The following SCN9A variants were observed in gnomAD, a reference collection of about 807,000 sequenced individuals.
The protein encoded by SCN9A is sodium channel protein type 9 subunit alpha.
SCN9A carries 131 observed loss-of-function variants against 187.0 expected under a neutral mutation model. That is an observed-to-expected ratio of 0.70 (90% CI 0.61 to 0.81). The LOEUF is 0.81. SCN9A is among the 30% of genes least tolerant of loss of function. The pLI, the probability that SCN9A is intolerant of heterozygous loss-of-function variation, is 0.00. For synonymous variants in SCN9A, 809 were observed against 808.6 expected, an observed-to-expected ratio of 1.00 and a Z score of -0.01; for missense variants, 2,252 against 2,396.6, an observed-to-expected ratio of 0.94 and a Z score of 1.26.
At chr2:166,339,005 T>C (rs1433446678) in intron 1 of SCN9A, among the ~76,000 whole-genome samples, 1 of 152,188 alleles carries the variant, frequency 6.6e-6, no homozygotes, top group African/African-American at 2.4e-5. Flanking sequence ...ATACATGGCT[T>C]AGAGTATGTA....
chr2:166,249,530 G>A (rs186179519), intron 18 of SCN9A: 1 of 152,242 alleles, frequency 6.6e-6, no homozygotes, highest in East Asian at 1.9e-4. Flanking sequence ...ACATAAAAGG[G>A]ATGTGACTCA....
At chr2:166,300,135 C>G (rs1013631908) in intron 7 of SCN9A, among the ~76,000 whole-genome samples, 20 of 151,026 alleles carry the variant, frequency 1.3e-4, no homozygotes, top group Middle Eastern at 3.4e-3. Flanking sequence ...ACAAGACAGA[C>G]AGCAATAAAA....
At chr2:166,218,578 T>C (rs568878289) in intron 24 of SCN9A, among the ~76,000 whole-genome samples, 2 of 152,150 alleles carry the variant, frequency 1.3e-5, no homozygotes, top group South Asian at 4.2e-4. Flanking sequence ...TTAAGATGGA[T>C]TAAAGACTTA....
chr2:166,288,475 T>C lies in SCN9A; in HGVS notation c.1276A>G (p.Met426Val), dbSNP rs1443928953. 3 of 1,612,758 alleles carry C rather than the reference T, an allele frequency of 1.9e-6. No individual in the cohort carries two copies. Among genetic ancestry groups the C allele is most frequent in the African/African-American group, 1.3e-5 (1 of 74,990 alleles). The change falls in exon 10 of 27, where the codon ATG becomes GTG. Residue 426 changes from methionine to valine, a missense_variant. Around this residue, in one of 7 missense-constraint regions of SCN9A, gnomAD observed 1,013 missense variants for 997.4 expected, o/e 1.02. Transcript: ENST00000642356. The stretch of plus-strand genomic sequence containing the variant: ...TGCTCTTTTTTAAGACGGTCTAACA[T>C]CTGTTGAAATTCTAATTCTTTCTGT... ...AKQKELEFQQ[M>V]LDRLKKEQEE...
At chr2:166,200,188 G>A (rs533932771) in intron 26 of SCN9A, among the ~76,000 whole-genome samples, 8 of 149,226 alleles carry the variant, frequency 5.4e-5, no homozygotes, top group Non-Finnish European at 8.9e-5. Flanking sequence ...TAGTAGAGAC[G>A]GGGTTTCACC....
chr2:166,240,483 T>G (rs892838675), intron 19 of SCN9A, among the ~76,000 whole-genome samples: 4 of 152,228 alleles, frequency 2.6e-5, no homozygotes, highest in African/African-American at 9.6e-5. Context: ...TGTCTTCCTC[T>G]GTTTTAGACA....
Position 166,284,712 on chromosome 2 carries a change from T to C in SCN9A, c.1715A>G (p.Asp572Gly), listed in dbSNP as rs775468416. 1.2e-6 allele frequency: 2 copies of C among 1,614,004 alleles called. No individual in the cohort carries two copies. The highest frequency in any genetic ancestry group is 2.2e-5 in the South Asian group (2 of 91,090). ...GTCTCCAAAAATGCTGTGCTCATCA[T>C]CGGCAAATTCAGTCTCAGATCCTAT... ...RDIGSETEFA[D>G]DEHSIFGDNE... The change falls in exon 12 of 27, where the codon GAT becomes GGT. Residue 572 changes from aspartate to glycine, a missense_variant. Physicochemically the swap from Asp to Gly is moderately conservative, Grantham distance 94 (BLOSUM62 -1). This residue lies in a region of SCN9A where 1,013 missense variants were observed against 997.4 expected (regional missense o/e 1.02). Transcript: ENST00000642356.
intron 1 of SCN9A, among the ~76,000 whole-genome samples, chr2:166,330,087 G>A (rs1699464960): frequency 6.6e-6 from 1 of 151,984 alleles, no homozygotes; most frequent in Non-Finnish European, 1.5e-5. Flanking sequence ...AAATTTTAAA[G>A]GATGCACAAA....
At chr2:166,322,208 T>C (rs1699262961) in intron 1 of SCN9A, among the ~76,000 whole-genome samples, 1 of 152,240 alleles carries the variant, frequency 6.6e-6, no homozygotes, top group African/African-American at 2.4e-5. Context: ...CTATAGTTTC[T>C]TCTTAATTTG....
intron 26 of SCN9A, among the ~76,000 whole-genome samples, chr2:166,203,056 A>G (rs1693620879): frequency 6.6e-6 from 1 of 151,340 alleles, no homozygotes; most frequent in Non-Finnish European, 1.5e-5. Flanking sequence ...CATTTTTGTT[A>G]GTGTGAAATT....
In SCN9A at chr2:166,349,557, G is replaced by A. The variant is rs113173376; in HGVS notation, c.-51+26140C>T. On this transcript the variant is annotated intron_variant, in intron 1 of 26. Transcript: ENST00000642356. The stretch of plus-strand genomic sequence containing the variant: ...ATTTCAATGGTCAGAGAAAATGAAA[G>A]TACTGTTAATTCTGAAAATTAGAAT... Among the ~76,000 whole-genome samples the A allele has an allele frequency of 4.4e-3, 663 of 152,256 alleles. 3 individuals carry two copies. The highest frequency in any genetic ancestry group is 0.015 in the African/African-American group (624 of 41,556).
intron 24 of SCN9A, among the ~76,000 whole-genome samples, chr2:166,222,972 A>AAAAAAAAAAAAAAC (rs1694683935): frequency 7.5e-6 from 1 of 133,344 alleles, no homozygotes; most frequent in African/African-American, 2.8e-5. Flanking sequence ...AAAAAAAAAA[A>AAAAAAAAAAAAAAC]CAGCAACAAA....
At chr2:166,237,289 C>T (rs900881422) in intron 20 of SCN9A, among the ~76,000 whole-genome samples, 3 of 151,712 alleles carry the variant, frequency 2.0e-5, no homozygotes, top group African/African-American at 4.8e-5. Context: ...ATCTCACCGA[C>T]TATTTTAAGA....
intron 1 of SCN9A, among the ~76,000 whole-genome samples, chr2:166,323,119 T>C (rs1176106095): frequency 6.6e-6 from 1 of 152,178 alleles, no homozygotes; most frequent in East Asian, 1.9e-4. Flanking sequence ...AGAACTATCA[T>C]TAAGACTTTT....
chr2:166,360,493 C>A lies in SCN9A; in HGVS notation c.-51+15204G>T, dbSNP rs1410300660. ...TATGGCTGCAGAACAGGTTCTATAC[C>A]CTTATTTAAATAATTAGAGAGAAAA... On this transcript the variant is annotated intron_variant, in intron 1 of 26. Coordinates refer to ENST00000642356, the MANE Select transcript of SCN9A (RefSeq NM_001365536.1). 4.6e-5 allele frequency among the ~76,000 whole-genome samples: 7 copies of A among 151,920 alleles called. No homozygotes were observed. The East Asian group carries it at 1.4e-3, about 29-fold the overall frequency.
At chr2:166,266,676 A>T (rs906321119) in intron 17 of SCN9A, among the ~76,000 whole-genome samples, 15 of 151,430 alleles carry the variant, frequency 9.9e-5, no homozygotes, top group Non-Finnish European at 2.1e-4. Context: ...TAAAAATAAT[A>T]ATTATTCTAA....
chr2:166,266,026 A>T (rs1413664053), intron 17 of SCN9A, among the ~76,000 whole-genome samples: 2 of 151,690 alleles, frequency 1.3e-5, no homozygotes, highest in Admixed American at 1.3e-4. Flanking sequence ...TCTTCACTCT[A>T]TTGATTGTTT....
chr2:166,316,427 G>T (rs981556806), intron 1 of SCN9A, among the ~76,000 whole-genome samples: 2 of 152,200 alleles, frequency 1.3e-5, no homozygotes, highest in Non-Finnish European at 2.9e-5. Flanking sequence ...GGGTGCGGTG[G>T]CTCACGCCTA....
chr2:166,243,257 A>G (rs961000021), intron 18 of SCN9A, among the ~76,000 whole-genome samples: 2 of 152,212 alleles, frequency 1.3e-5, no homozygotes, highest in African/African-American at 4.8e-5. Context: ...TGAAAATTGT[A>G]CTTAAAAATG....
Sources: gnomAD v4.1 joint callset for allele counts (sites outside exome capture counted in the v4.1 genomes callset) on GRCh38, gnomAD v4.1.1 for gene constraint, gnomAD v4.1.1 regional missense constraint, MANE v1.5 for transcripts, NCBI Gene and HGNC (gene_info 2026-07-23, HGNC 2026-07-21) for gene names.